The following RNF180 variants were observed in gnomAD, a reference collection of about 807,000 sequenced individuals.
The protein encoded by RNF180 is ring finger protein 180.
A neutral mutation model predicts 59.2 loss-of-function variants in RNF180; 38 were observed. The observed-to-expected ratio is 0.64, with a 90% CI of 0.50 to 0.84. RNF180 has a LOEUF of 0.84. RNF180 is among the 40% of genes least tolerant of loss of function. RNF180 has a pLI of 0.00. For missense variants in RNF180, 705 were observed against 700.9 expected (o/e 1.01, Z -0.07); for synonymous variants, 262 against 240.3 (o/e 1.09, Z -0.84).
intron 5 of RNF180, among the ~76,000 whole-genome samples, chr5:64,271,055 A>G (rs915587555): frequency 2.6e-5 from 4 of 152,020 alleles, no homozygotes; most frequent in Non-Finnish European, 5.9e-5. Context: ...AAGGAAACAT[A>G]TTTCATTTGC....
At chr5:64,329,457 CT>C (rs558648872) in intron 6 of RNF180, among the ~76,000 whole-genome samples, 2,233 of 135,568 alleles carry the variant, frequency 0.016, 24 homozygotes, top group South Asian at 0.019. Flanking sequence ...CTTTTTTTTT[CT>C]TTTTTTTTTT....
rs1744128929 is a variant in RNF180, at chr5:64,258,573, A to G, written c.1227+41177A>G. Reference sequence around the variant, plus strand: ...ATGAATGGGGGTGCTATTCCCTTGGATTGTAAAGGAACAGTTTTGGGAGGG... The same window carrying G: ...ATGAATGGGGGTGCTATTCCCTTGGGTTGTAAAGGAACAGTTTTGGGAGGG... On this transcript the variant is annotated intron_variant, in intron 5 of 7. Transcript: ENST00000389100. 2.6e-5 allele frequency among the ~76,000 whole-genome samples: 4 copies of G among 152,228 alleles called. No homozygotes were observed. The South Asian group carries it at 8.3e-4, about 32-fold the overall frequency.
intron 6 of RNF180, among the ~76,000 whole-genome samples, chr5:64,328,402 A>G (rs979710432): frequency 3.3e-4 from 50 of 152,242 alleles, no homozygotes; most frequent in African/African-American, 1.2e-3. Flanking sequence ...CTAAAGGGCT[A>G]TAACTGGGCA....
At position 64,326,360 on chromosome 5, in the gene RNF180, A is replaced by G. The variant is rs186544112; in HGVS notation, c.1453+949A>G. On this transcript the variant is annotated intron_variant, in intron 6 of 7. Coordinates refer to ENST00000389100, the MANE Select transcript of RNF180 (RefSeq NM_001113561.2). ...AAATTTTAACTAAATCTTATTTAAT[A>G]GAAACTCCTAAATATTAATATTTGC... is the stretch of plus-strand genomic sequence containing the variant. Among the ~76,000 whole-genome samples, 694 of 152,318 alleles carry G rather than the reference A, an allele frequency of 4.6e-3. 6 individuals are homozygous for G. Among genetic ancestry groups the G allele is most frequent in the African/African-American group, 0.016 (645 of 41,572 alleles).
At chr5:64,319,120 T>C (rs1744211641) in intron 5 of RNF180, among the ~76,000 whole-genome samples, 1 of 151,418 alleles carries the variant, frequency 6.6e-6, no homozygotes, top group Non-Finnish European at 1.5e-5. Flanking sequence ...AGAAAGTATA[T>C]GGAAATTCTC....
intron 5 of RNF180, among the ~76,000 whole-genome samples, chr5:64,305,056 G>A (rs1743356565): frequency 6.6e-6 from 1 of 151,590 alleles, no homozygotes; most frequent in African/African-American, 2.4e-5. Flanking sequence ...TTTTAATTAA[G>A]CATGTACATT....
chr5:64,206,347 T>C (rs1325796991), intron 2 of RNF180, among the ~76,000 whole-genome samples: 1 of 152,220 alleles, frequency 6.6e-6, no homozygotes, highest in East Asian at 1.9e-4. Context: ...CTATGAAGTA[T>C]TTCATCTGTA....
At chr5:64,225,515 G>T (rs1449112951) in intron 5 of RNF180, among the ~76,000 whole-genome samples, 1 of 147,132 alleles carries the variant, frequency 6.8e-6, no homozygotes, top group Non-Finnish European at 1.5e-5. Flanking sequence ...GAGCGCCTCT[G>T]CCCGGCCGCC....
Position 64,325,303 on chromosome 5 carries a change from C to T in RNF180, c.1345C>T (p.His449Tyr), listed in dbSNP as rs1309207178. Residue 449 changes from histidine (H) to tyrosine (Y), a missense_variant, in exon 6 of 8, where the codon CAT becomes TAT. By Grantham distance (83) the His-to-Tyr change is moderately conservative. Coordinates refer to ENST00000389100, the MANE Select transcript of RNF180 (RefSeq NM_001113561.2). ...YFNPYMCYPC[H>Y]HIFCEPCLRT... ...CAACCCTTATATGTGTTACCCTTGC[C>T]ATCACATCTTCTGTGAGCCCTGCTT... 2.6e-6 allele frequency: 4 copies of T among 1,551,058 alleles called. No homozygotes were observed. Among genetic ancestry groups the T allele is most frequent in the Non-Finnish European group, 3.5e-6 (4 of 1,146,536 alleles).
chr5:64,366,176 C>A (rs1034287115), intron 7 of RNF180, among the ~76,000 whole-genome samples: 2 of 151,388 alleles, frequency 1.3e-5, no homozygotes, highest in African/African-American at 4.8e-5. Context: ...TGACAAATTC[C>A]CTCAGTATTT....
intron 5 of RNF180, among the ~76,000 whole-genome samples, chr5:64,272,080 C>A (rs1741442270): frequency 6.6e-6 from 1 of 152,046 alleles, no homozygotes; most frequent in Admixed American, 6.6e-5. Flanking sequence ...ATGGCTACTA[C>A]ATAATAGATA....
At chr5:64,273,011 T>C (rs1005620819) in intron 5 of RNF180, among the ~76,000 whole-genome samples, 3 of 151,830 alleles carry the variant, frequency 2.0e-5, no homozygotes, top group Non-Finnish European at 4.4e-5. Flanking sequence ...TATACAAATA[T>C]TGACAGAAGC....
intron 7 of RNF180, among the ~76,000 whole-genome samples, chr5:64,346,007 A>AAATTTG (rs1745538773): frequency 6.6e-6 from 1 of 152,066 alleles, no homozygotes; most frequent in Admixed American, 6.6e-5. Context: ...AGGGAAAGTA[A>AAATTTG]AATTTGAATT....
rs1051505189 is a variant in RNF180 at position 64,165,888 on chromosome 5, T to G, written c.-66T>G. On this transcript the variant is annotated 5_prime_UTR_variant, in exon 1 of 8. Coordinates refer to ENST00000389100, the MANE Select transcript of RNF180 (RefSeq NM_001113561.2). ...GGAGCCGCAGCGAGTCCTCAGAGCC[T>G]GGCTGCTGGCGGCCGGGAGCGCCGG... The G allele has an allele frequency of 5.3e-5, 8 of 152,238 alleles. No individual in the cohort carries two copies. Among genetic ancestry groups the G allele is most frequent in the African/African-American group, 1.7e-4 (7 of 41,518 alleles). 9.4% of individuals were successfully genotyped at this position (152,238 alleles called of 1,614,324 possible). A position where few individuals can be genotyped will look rare whatever the true frequency, so the allele number is the denominator to read the frequency against.
chr5:64,360,954 C>G (rs1746232475), intron 7 of RNF180, among the ~76,000 whole-genome samples: 3 of 151,726 alleles, frequency 2.0e-5, no homozygotes, highest in South Asian at 4.1e-4. Flanking sequence ...ATGCTATATT[C>G]TAATACAAAC....
chr5:64,208,848 T>A (rs1351124964), intron 2 of RNF180, among the ~76,000 whole-genome samples: 2 of 152,006 alleles, frequency 1.3e-5, no homozygotes, highest in Non-Finnish European at 2.9e-5. Flanking sequence ...ATATGCTGTT[T>A]TATATTATTT....
intron 1 of RNF180, among the ~76,000 whole-genome samples, chr5:64,175,406 A>T (rs1448113038): frequency 6.6e-6 from 1 of 152,130 alleles, no homozygotes. Flanking sequence ...TGCTTATTAT[A>T]CCTTTATCAA....
Position 64,371,156 on chromosome 5 carries a change from C to CT in RNF180, c.*1344dup, listed in dbSNP as rs1746646646. On this transcript the variant is annotated 3_prime_UTR_variant, in exon 8 of 8. Transcript: ENST00000389100. The stretch of plus-strand genomic sequence containing the variant: ...TACTGATTTCTATTCTAATGCTGTT[C>CT]TTATTATTGTGTTTTAAATTATATC... 6.6e-6 allele frequency: 1 copy of CT among 151,510 alleles called. No individual in the cohort carries two copies. The highest frequency in any genetic ancestry group is 1.5e-5 in the Non-Finnish European group (1 of 67,670). 9.4% of individuals were successfully genotyped at this position (151,510 alleles called of 1,614,324 possible).
rs116009681 is a variant in RNF180 at position 64,286,013 on chromosome 5, C to A, written c.1228-39173C>A. Among the ~76,000 whole-genome samples, 18 of 152,180 alleles carry A rather than the reference C, an allele frequency of 1.2e-4. No homozygotes were observed. In the East Asian group the frequency reaches 2.5e-3, roughly 21 times the overall value. On this transcript the variant is annotated intron_variant, in intron 5 of 7. Transcript: ENST00000389100. ...CGTGGGCCACTCCCACCTGCTCAAC[C>A]CCCCCTTCCCCAGGAACTGCTTGAA... is the stretch of plus-strand genomic sequence containing the variant.
Sources: allele counts gnomAD v4.1 joint callset (sites outside exome capture counted in the v4.1 genomes callset), GRCh38; gene constraint gnomAD v4.1.1; transcripts MANE v1.5; gene names NCBI Gene and HGNC (gene_info 2026-07-23, HGNC 2026-07-21).